The following KIAA1549L variants were observed in gnomAD, a reference collection of about 807,000 sequenced individuals.
The protein encoded by KIAA1549L is KIAA1549 like, also known as UPF0606 protein KIAA1549L.
A neutral mutation model predicts 160.7 loss-of-function variants in KIAA1549L; 88 were observed. The observed-to-expected ratio is 0.55, with a 90% CI of 0.46 to 0.65. The LOEUF (loss-of-function observed/expected upper bound fraction) is 0.65, where lower values mean the gene tolerates loss of function less well. Ranked by LOEUF, KIAA1549L falls within the 30% of genes least tolerant of loss-of-function variation. The pLI is 0.00. For synonymous variants in KIAA1549L, 950 were observed against 976.7 expected, an observed-to-expected ratio of 0.97 and a Z score of 0.51; for missense variants, 2,258 against 2,437.5, an observed-to-expected ratio of 0.93 and a Z score of 1.55.
Position 33,543,627 on chromosome 11 carries a change from A to G in KIAA1549L, c.2064A>G (p.Lys688=), listed in dbSNP as rs767559970. ...VYDSLTIGDM[K]KPATTDVFWS... ...ATTCCTTAACAATAGGAGACATGAAAAAGCCAGCAACCACAGATGTTTTCT... is the reference window on the plus strand; with the variant it reads ...ATTCCTTAACAATAGGAGACATGAAGAAGCCAGCAACCACAGATGTTTTCT... The change falls in exon 2 of 21, where the codon AAA becomes AAG. Residue 688 remains lysine (K), a synonymous_variant. Coordinates refer to ENST00000658780, the MANE Select transcript of KIAA1549L (RefSeq NM_012194.3). 1 of 1,613,952 alleles carries G rather than the reference A, an allele frequency of 6.2e-7. No individual in the cohort carries two copies. The highest frequency in any genetic ancestry group is 8.5e-7 in the Non-Finnish European group (1 of 1,179,838).
chr11:33,531,934 C>A (rs1853783241), intron 1 of KIAA1549L, among the ~76,000 whole-genome samples: 1 of 152,150 alleles, frequency 6.6e-6, no homozygotes, highest in Non-Finnish European at 1.5e-5. Context: ...AGAGACACAT[C>A]ATCAAACTCT....
chr11:33,601,674 A>T (rs2133311017), intron 13 of KIAA1549L, among the ~76,000 whole-genome samples: 1 of 152,348 alleles, frequency 6.6e-6, no homozygotes, highest in African/African-American at 2.4e-5. Flanking sequence ...TTAAGTTACT[A>T]AGGTTAATAA....
At chr11:33,470,942 A>T (rs1380262348) in intron 1 of KIAA1549L, among the ~76,000 whole-genome samples, 1 of 152,128 alleles carries the variant, frequency 6.6e-6, no homozygotes, top group Non-Finnish European at 1.5e-5. Flanking sequence ...TGGGCAGAGT[A>T]CTGCTACAGT....
At chr11:33,468,961 C>T (rs187014240) in intron 1 of KIAA1549L, among the ~76,000 whole-genome samples, 2 of 152,084 alleles carry the variant, frequency 1.3e-5, no homozygotes, top group South Asian at 2.1e-4. Flanking sequence ...CTCAGGACTT[C>T]GTTGGCTCTG....
intron 1 of KIAA1549L, among the ~76,000 whole-genome samples, chr11:33,393,581 T>C (rs995176275): frequency 6.6e-6 from 1 of 152,218 alleles, no homozygotes; most frequent in African/African-American, 2.4e-5. Flanking sequence ...AAGTACCTAG[T>C]GGGACAACTT....
chr11:33,630,770 C>T (rs541606807), intron 16 of KIAA1549L, among the ~76,000 whole-genome samples: 24 of 152,130 alleles, frequency 1.6e-4, no homozygotes, highest in Middle Eastern at 6.8e-3. Flanking sequence ...AGCTGTAGAC[C>T]GGAGCTGTTC....
At chr11:33,541,679 C>T (rs906784560) in intron 1 of KIAA1549L, 123 bp from the exon 2 acceptor site, 2 of 155,700 alleles carry the variant, frequency 1.3e-5, no homozygotes, top group African/African-American at 4.8e-5. Flanking sequence ...ACTCTGTTTC[C>T]TGAGCCTTCT....
chr11:33,451,639 A>G (rs140236624), intron 1 of KIAA1549L, among the ~76,000 whole-genome samples: 86 of 152,386 alleles, frequency 5.6e-4, no homozygotes, highest in African/African-American at 2.0e-3. Flanking sequence ...GACAGAAAAC[A>G]GAAGTGTCTC....
chr11:33,487,031 C>T (rs542596752), intron 1 of KIAA1549L, among the ~76,000 whole-genome samples: 29 of 152,276 alleles, frequency 1.9e-4, no homozygotes, highest in African/African-American at 7.0e-4. Flanking sequence ...TTATGTGGAT[C>T]TCCATAGCAA....
chr11:33,598,987 C>G (rs1352589690), intron 13 of KIAA1549L, 40 bp downstream of exon 13: 1 of 1,608,136 alleles, frequency 6.2e-7, no homozygotes, highest in Non-Finnish European at 8.5e-7. Context: ...CCAGCTGCTC[C>G]CACGCGTGCC....
At chr11:33,521,661 C>T (rs745427060) in intron 1 of KIAA1549L, among the ~76,000 whole-genome samples, 5 of 152,140 alleles carry the variant, frequency 3.3e-5, no homozygotes, top group Admixed American at 6.6e-5. Context: ...GCATCTCCTC[C>T]CAGACTCTAG....
intron 9 of KIAA1549L, among the ~76,000 whole-genome samples, chr11:33,571,876 C>G (rs571914972): frequency 2.2e-4 from 33 of 152,268 alleles, no homozygotes; most frequent in African/African-American, 7.9e-4. Context: ...CCTAAAGCCC[C>G]TTCTTGAAGA....
chr11:33,577,766 C>T (rs1855501090), intron 10 of KIAA1549L, among the ~76,000 whole-genome samples: 1 of 152,152 alleles, frequency 6.6e-6, no homozygotes, highest in Admixed American at 6.5e-5. Context: ...CTCCTTAATC[C>T]TCATGGCTGT....
At position 33,618,584 on chromosome 11, in the gene KIAA1549L, G is replaced by A. The variant is rs770275684; in HGVS notation, c.5331G>A (p.Pro1777=). ...GAAGCCGGCAGTCTCTGAACAGCCC[G>A]AGTCCAGGGGAAACCGAGATGGACC... The part of the protein sequence containing the change: ...VYRSRQSLNS[P]SPGETEMDLL... Residue 1777 remains proline, a synonymous_variant, in exon 16 of 21, where the codon CCG becomes CCA. Coordinates refer to ENST00000658780, the MANE Select transcript of KIAA1549L (RefSeq NM_012194.3). 11 of 1,611,228 alleles carry A rather than the reference G, an allele frequency of 6.8e-6. No homozygotes were observed. In the East Asian group the frequency reaches 8.9e-5, roughly 13 times the overall value.
At position 33,673,021 on chromosome 11, in the gene KIAA1549L, T is replaced by C. The variant is rs867067216; in HGVS notation, c.*4867T>C. On this transcript the variant is annotated 3_prime_UTR_variant, in exon 21 of 21. Coordinates refer to ENST00000658780, the MANE Select transcript of KIAA1549L (RefSeq NM_012194.3). The stretch of plus-strand genomic sequence containing the variant: ...TTCTGAATATAATAACTTAGTGTCC[T>C]GAGAATTGAAAGGCCTCTTGATTTC... The C allele has an allele frequency of 3.3e-5, 5 of 152,338 alleles. No individual in the cohort carries two copies. The highest frequency in any genetic ancestry group is 2.0e-4 in the Admixed American group (3 of 15,284). 9.4% of individuals were successfully genotyped at this position (152,338 alleles called of 1,614,324 possible).
chr11:33,598,543 C>T (rs1239802328), intron 12 of KIAA1549L, among the ~76,000 whole-genome samples: 1 of 152,110 alleles, frequency 6.6e-6, no homozygotes, highest in Admixed American at 6.5e-5. Flanking sequence ...ATAGTCACGG[C>T]GGGTGGTGGT....
At position 33,671,467 on chromosome 11, in the gene KIAA1549L, C is replaced by G. The variant is rs935389169; in HGVS notation, c.*3313C>G. 1 of 151,662 alleles carries G rather than the reference C, an allele frequency of 6.6e-6. No homozygotes were observed. The highest frequency in any genetic ancestry group is 2.4e-5 in the African/African-American group (1 of 41,242). The allele number at this position is 151,662 out of a possible 1,614,324, so 9.4% of individuals were successfully genotyped here. A position where few individuals can be genotyped will look rare whatever the true frequency, so the allele number is the denominator to read the frequency against. On this transcript the variant is annotated 3_prime_UTR_variant, in exon 21 of 21. Transcript: ENST00000658780. ...GGTAGATTATGTAAGAATCAATTCC[C>G]TGGTCCCAGGAGAAGTTTTATTGTG...
chr11:33,638,759 A>G (rs1169360032), intron 16 of KIAA1549L, among the ~76,000 whole-genome samples: 1 of 152,228 alleles, frequency 6.6e-6, no homozygotes, highest in Non-Finnish European at 1.5e-5. Flanking sequence ...CACTAGCAGT[A>G]TAACAGTTCT....
intron 1 of KIAA1549L, among the ~76,000 whole-genome samples, chr11:33,450,144 A>G (rs1370819780): frequency 6.6e-6 from 1 of 152,206 alleles, no homozygotes; most frequent in Non-Finnish European, 1.5e-5. Flanking sequence ...TATAACCTCA[A>G]ATACTTCTTT....
Sources: gnomAD v4.1 joint callset for allele counts (sites outside exome capture counted in the v4.1 genomes callset) on GRCh38, gnomAD v4.1.1 for gene constraint, MANE v1.5 for transcripts, NCBI Gene and HGNC (gene_info 2026-07-23, HGNC 2026-07-21) for gene names.